The following CUX1 variants were observed in gnomAD, a reference collection of about 807,000 sequenced individuals.
The protein encoded by CUX1 is protein CASP.
CUX1 carries 31 observed loss-of-function variants against 158.8 expected under a neutral mutation model. The observed-to-expected ratio is 0.20, with a 90% CI of 0.15 to 0.26. CUX1 has a LOEUF of 0.26. Ranked by LOEUF, CUX1 falls within the 10% of genes least tolerant of loss-of-function variation. The pLI is 1.00. For missense variants in CUX1, 1,589 were observed against 2,014.6 expected (o/e 0.79, Z 4.04); for synonymous variants, 879 against 862.1 (o/e 1.02, Z -0.34).
At chr7:101,845,748 G>A (rs1795623637) in intron 1 of CUX1, among the ~76,000 whole-genome samples, 1 of 152,250 alleles carries the variant, frequency 6.6e-6, no homozygotes, top group Non-Finnish European at 1.5e-5. Flanking sequence ...CGAGCACAGA[G>A]GCTTATGCCT....
intron 2 of CUX1, among the ~76,000 whole-genome samples, chr7:101,936,904 T>TA (rs1313393115): frequency 2.0e-5 from 3 of 152,150 alleles, no homozygotes; most frequent in African/African-American, 7.2e-5. Context: ...TGGCTAATCA[T>TA]AAAAACCTCC....
intron 9 of CUX1, among the ~76,000 whole-genome samples, chr7:102,166,630 T>C (rs1425757944): frequency 6.6e-6 from 1 of 152,184 alleles, no homozygotes; most frequent in Non-Finnish European, 1.5e-5. Flanking sequence ...TGGGCTACGC[T>C]TACTTCTCAG....
intron 21 of CUX1, among the ~76,000 whole-genome samples, chr7:102,282,501 T>C (rs569026488): frequency 1.6e-4 from 24 of 152,302 alleles, no homozygotes; most frequent in African/African-American, 5.5e-4. Flanking sequence ...TTCCAAGGGT[T>C]GGCCCACAGT....
intron 2 of CUX1, among the ~76,000 whole-genome samples, chr7:102,024,605 G>T (rs1490688795): frequency 6.6e-6 from 1 of 152,150 alleles, no homozygotes; most frequent in African/African-American, 2.4e-5. Context: ...GGGATTACAG[G>T]TGTGAGCCAG....
chr7:102,142,478 G>A (rs1237939169), intron 8 of CUX1, among the ~76,000 whole-genome samples: 1 of 152,148 alleles, frequency 6.6e-6, no homozygotes, highest in Admixed American at 6.5e-5. Flanking sequence ...CTGAAACTAG[G>A]GCCAGGTGTG....
chr7:101,977,458 T>C (rs1054465220), intron 2 of CUX1, among the ~76,000 whole-genome samples: 1 of 152,164 alleles, frequency 6.6e-6, no homozygotes, highest in Non-Finnish European at 1.5e-5. Context: ...CTGGACAGTG[T>C]AGCAAGACCC....
chr7:101,873,962 T>C (rs11768899), intron 1 of CUX1, among the ~76,000 whole-genome samples: 59,133 of 152,094 alleles, frequency 0.39, 12,759 homozygotes, highest in East Asian at 0.88. Flanking sequence ...TACAGGAAAA[T>C]GAACACAGGA....
intron 8 of CUX1, among the ~76,000 whole-genome samples, chr7:102,141,999 C>T (rs1834520482): frequency 6.6e-6 from 1 of 151,976 alleles, no homozygotes; most frequent in Non-Finnish European, 1.5e-5. Flanking sequence ...TCATTAGAAA[C>T]CCTTGTACTT....
chr7:102,010,990 G>A (rs1266619651), intron 2 of CUX1, among the ~76,000 whole-genome samples: 1 of 152,004 alleles, frequency 6.6e-6, no homozygotes, highest in Non-Finnish European at 1.5e-5. Flanking sequence ...GCACATGCCT[G>A]TAATCCCAGC....
intron 3 of CUX1, among the ~76,000 whole-genome samples, chr7:102,048,552 G>A (rs147502657): frequency 5.5e-4 from 84 of 152,260 alleles, no homozygotes; most frequent in African/African-American, 2.0e-3. Context: ...AAATCAGCTG[G>A]GCACAATGGC....
chr7:102,194,409 G>C (rs551978840), intron 13 of CUX1, among the ~76,000 whole-genome samples: 1 of 151,442 alleles, frequency 6.6e-6, no homozygotes, highest in Non-Finnish European at 1.5e-5. Flanking sequence ...AGACCAGCCT[G>C]GGCAATATAG....
At position 102,178,590 on chromosome 7, in the gene CUX1, G is replaced by C; in HGVS notation, c.950G>C (p.Arg317Pro). The C allele has an allele frequency of 6.2e-7, 1 of 1,611,680 alleles. No individual in the cohort carries two copies. The highest frequency in any genetic ancestry group is 8.5e-7 in the Non-Finnish European group (1 of 1,178,962). ...QRLQASLTKL[R>P]ENSASQISQL... The stretch of plus-strand genomic sequence containing the variant: ...CTCCAGGCCAGCCTCACCAAGCTGC[G>C]GGAGAATTCGGCCAGCCAGATCTCA... Residue 317 changes from arginine to proline, a missense_variant, in exon 11 of 24, where the codon CGG becomes CCG. Transcript: ENST00000292535.
rs1277342697 is a variant in CUX1 at position 102,111,725 on chromosome 7, C to T, written c.558C>T (p.Thr186=). 6.2e-7 allele frequency: 1 copy of T among 1,614,080 alleles called. No homozygotes were observed. Among genetic ancestry groups the T allele is most frequent in the Non-Finnish European group, 8.5e-7 (1 of 1,180,024 alleles). ...ERKLQETQMS[T]TSKLEEAEHK... ...AGCTGCAGGAGACACAGATGTCCAC[C>T]ACCTCAAAGCTGGAGGAAGCTGAGC... Residue 186 remains threonine (T), a synonymous_variant, in exon 7 of 24, where the codon ACC becomes ACT. Coordinates refer to ENST00000292535, the MANE Select transcript of CUX1 (RefSeq NM_181552.4).
chr7:102,236,993 AG>A lies in CUX1; in HGVS notation c.3623-2325del, dbSNP rs1554533105. Among the ~76,000 whole-genome samples, 14 of 152,180 alleles carry A rather than the reference AG, an allele frequency of 9.2e-5. No individual in the cohort carries two copies. The South Asian group carries it at 2.9e-3, about 32-fold the overall frequency. On this transcript the variant is annotated intron_variant, in intron 22 of 23. Transcript: ENST00000292535. ...TCACTCCTGGGGGTGCCGGCCACAA[AG>A]GCTGCTCCCTAGAGAGGCCTTCTCC...
Position 102,250,887 on chromosome 7 carries a change from A to G in CUX1, c.*1845A>G. 3.0e-6 allele frequency: 3 copies of G among 985,428 alleles called. No homozygotes were observed. The highest frequency in any genetic ancestry group is 3.6e-6 in the Non-Finnish European group (3 of 829,926). 61.0% of individuals were successfully genotyped at this position (985,428 alleles called of 1,614,324 possible). On this transcript the variant is annotated 3_prime_UTR_variant, in exon 24 of 24. Transcript: ENST00000292535. ...ACCTTTTTCAATAAGCTGTTTTATC[A>G]GTTACGGCTTCTACAAGTTTGCTAA...
chr7:102,006,862 G>C (rs1205534366), intron 2 of CUX1, among the ~76,000 whole-genome samples: 1 of 152,244 alleles, frequency 6.6e-6, no homozygotes, highest in Non-Finnish European at 1.5e-5. Flanking sequence ...GGGCGTGCGA[G>C]AGGAGCAAGA....
intron 20 of CUX1, among the ~76,000 whole-genome samples, chr7:102,224,654 G>T (rs782063930): frequency 3.4e-4 from 52 of 152,314 alleles, no homozygotes; most frequent in Non-Finnish European, 5.6e-4. Context: ...ACCTGTAACA[G>T]TAGTGAGCGC....
At chr7:102,163,280 G>GTT (rs201464715) in intron 9 of CUX1, among the ~76,000 whole-genome samples, 2 of 151,770 alleles carry the variant, frequency 1.3e-5, no homozygotes, top group Non-Finnish European at 2.9e-5. Flanking sequence ...GAGCCCATGA[G>GTT]TTTGAGACCA....
intron 1 of CUX1, among the ~76,000 whole-genome samples, chr7:101,858,278 G>C (rs1797095577): frequency 6.6e-6 from 1 of 152,192 alleles, no homozygotes; most frequent in Non-Finnish European, 1.5e-5. Context: ...CCGGCCAAGA[G>C]CATTGTAGTA....
Sources: allele counts gnomAD v4.1 joint callset (sites outside exome capture counted in the v4.1 genomes callset), GRCh38; gene constraint gnomAD v4.1.1; transcripts MANE v1.5; gene names NCBI Gene and HGNC (gene_info 2026-07-23, HGNC 2026-07-21).